PLEKHA2: variants seen among roughly 807,000 people sequenced by gnomAD.
PLEKHA2 encodes the protein pleckstrin homology domain containing A2.
Under a neutral mutation model 53.2 loss-of-function variants are expected in PLEKHA2, and 28 were observed. The observed-to-expected ratio is 0.53, with a 90% CI of 0.39 to 0.72. The LOEUF is 0.72. Ranked by LOEUF, PLEKHA2 falls within the 30% of genes least tolerant of loss-of-function variation. The pLI is 0.00. For missense variants in PLEKHA2, 426 were observed against 537.9 expected (o/e 0.79, Z 2.06); for synonymous variants, 193 against 196.4 (o/e 0.98, Z 0.14).
intron 9 of PLEKHA2, among the ~76,000 whole-genome samples, chr8:38,956,894 G>A (rs1462663951): frequency 6.6e-6 from 1 of 152,180 alleles, no homozygotes; most frequent in Non-Finnish European, 1.5e-5. Context: ...GCCCCCCGGG[G>A]CTGTTGTGAA....
intron 4 of PLEKHA2, among the ~76,000 whole-genome samples, chr8:38,944,325 G>A (rs1020894838): frequency 2.6e-5 from 4 of 151,896 alleles, no homozygotes; most frequent in African/African-American, 9.7e-5. Flanking sequence ...GACCAGCCTG[G>A]CCAACATAGT....
intron 2 of PLEKHA2, among the ~76,000 whole-genome samples, chr8:38,930,437 C>G (rs1834370640): frequency 6.6e-6 from 1 of 152,182 alleles, no homozygotes; most frequent in African/African-American, 2.4e-5. Flanking sequence ...TTCCTGACCT[C>G]AGGTGATCCC....
intron 10 of PLEKHA2, among the ~76,000 whole-genome samples, chr8:38,962,423 G>T (rs921065412): frequency 6.6e-6 from 1 of 152,200 alleles, no homozygotes; most frequent in Admixed American, 6.5e-5. Flanking sequence ...AACCAGGGAA[G>T]TCTGACTCTG....
rs1835074710 is a variant in PLEKHA2 at position 38,963,401 on chromosome 8, A to AC, written c.838-5191_838-5190insC. Among the ~76,000 whole-genome samples the AC allele has an allele frequency of 2.0e-5, 3 of 152,290 alleles. No homozygotes were observed. The South Asian group carries it at 6.2e-4, about 32-fold the overall frequency. ...ATGGGTGGGTAGACTTCAGCTATAT[A>AC]TATTTTTTTAAACCTCTGTTTCATG... On this transcript the variant is annotated intron_variant, in intron 10 of 11. Coordinates refer to ENST00000617275, the MANE Select transcript of PLEKHA2 (RefSeq NM_021623.2).
chr8:38,961,170 A>T (rs1256996617), intron 10 of PLEKHA2, among the ~76,000 whole-genome samples: 1 of 152,212 alleles, frequency 6.6e-6, no homozygotes, highest in Non-Finnish European at 1.5e-5. Context: ...TTTTGGGGAT[A>T]AAAATCTACC....
chr8:38,970,306 C>T lies in PLEKHA2; in HGVS notation c.*523C>T. The T allele has an allele frequency of 3.2e-6, 1 of 314,780 alleles. No individual in the cohort carries two copies. The highest frequency in any genetic ancestry group is 5.7e-6 in the Non-Finnish European group (1 of 175,946). 19.5% of individuals were successfully genotyped at this position (314,780 alleles called of 1,614,324 possible). A position where few individuals can be genotyped will look rare whatever the true frequency, so the allele number is the denominator to read the frequency against. ...TGCTTTCTCTTTCTTCTTGCTGTTG[C>T]CCTTTGAATGAAGCCTTGTGTGCTT... On this transcript the variant is annotated 3_prime_UTR_variant, in exon 12 of 12. Coordinates refer to ENST00000617275, the MANE Select transcript of PLEKHA2 (RefSeq NM_021623.2).
At position 38,969,940 on chromosome 8, in the gene PLEKHA2, G is replaced by GGTGT. The variant is rs1835215437; in HGVS notation, c.*157_*158insGTGT. 1.2e-5 allele frequency: 10 copies of GGTGT among 825,662 alleles called. No homozygotes were observed. The highest frequency in any genetic ancestry group is 1.2e-4 in the East Asian group (4 of 34,206). The allele number at this position is 825,662 out of a possible 1,614,324, so 51.1% of individuals were successfully genotyped here. ...GGGAGGGAGGGGCCCATCCAGCTGG[G>GGTGT]CTGTGTGTGTGTGTGTGTGTGTGTG... is the stretch of plus-strand genomic sequence containing the variant. On this transcript the variant is annotated 3_prime_UTR_variant, in exon 12 of 12. Transcript: ENST00000617275.
chr8:38,912,468 A>G (rs953293726), intron 1 of PLEKHA2, among the ~76,000 whole-genome samples: 23 of 152,186 alleles, frequency 1.5e-4, no homozygotes, highest in Admixed American at 1.2e-3. Flanking sequence ...ACCAATTACT[A>G]CTGGCACTCC....
intron 2 of PLEKHA2, among the ~76,000 whole-genome samples, chr8:38,918,499 T>TGC (rs1834109017): frequency 7.4e-5 from 1 of 13,544 alleles, no homozygotes. Context: ...ACACAACCCA[T>TGC]ACACCAGACA....
chr8:38,968,083 A>G (rs1410098258), intron 10 of PLEKHA2, among the ~76,000 whole-genome samples: 1 of 152,208 alleles, frequency 6.6e-6, no homozygotes, highest in East Asian at 1.9e-4. Context: ...TGAAGGCAAT[A>G]CATATCTTAG....
chr8:38,968,691 G>A (rs191686360), intron 11 of PLEKHA2, 22 bp downstream of exon 11: 1 of 1,612,518 alleles, frequency 6.2e-7, no homozygotes, highest in Non-Finnish European at 8.5e-7. Flanking sequence ...CCTTTCTGTT[G>A]CACAGTGTCA....
chr8:38,943,104 G>A (rs1024218219), intron 3 of PLEKHA2, among the ~76,000 whole-genome samples: 1 of 152,130 alleles, frequency 6.6e-6, no homozygotes, highest in African/African-American at 2.4e-5. Context: ...GAGGGTTGGC[G>A]GTTGAAAGAG....
chr8:38,959,723 G>C (rs1299472436), intron 10 of PLEKHA2, among the ~76,000 whole-genome samples: 1 of 152,222 alleles, frequency 6.6e-6, no homozygotes, highest in Non-Finnish European at 1.5e-5. Flanking sequence ...TGGAAAATTT[G>C]AGAGATATTA....
At chr8:38,928,397 C>G in intron 2 of PLEKHA2, among the ~76,000 whole-genome samples, 1 of 151,888 alleles carries the variant, frequency 6.6e-6, no homozygotes, top group East Asian at 1.9e-4. Context: ...TAAAGGTGTG[C>G]GCCACCACAC....
intron 1 of PLEKHA2, among the ~76,000 whole-genome samples, chr8:38,908,720 G>A (rs752101042): frequency 1.2e-4 from 18 of 152,158 alleles, no homozygotes; most frequent in Non-Finnish European, 2.2e-4. Context: ...ATCATATTAT[G>A]TACCATTTCA....
intron 5 of PLEKHA2, among the ~76,000 whole-genome samples, chr8:38,948,147 T>G (rs1185948743): frequency 6.6e-6 from 1 of 151,860 alleles, no homozygotes; most frequent in Non-Finnish European, 1.5e-5. Flanking sequence ...GGAATTCATC[T>G]GGGTCATTTA....
chr8:38,940,656 G>GT (rs934583340), intron 3 of PLEKHA2, among the ~76,000 whole-genome samples: 4 of 107,218 alleles, frequency 3.7e-5, no homozygotes, highest in East Asian at 6.7e-4. Flanking sequence ...GGGGCGGGGG[G>GT]GGGGGGTCAG....
chr8:38,950,726 G>A, intron 5 of PLEKHA2, 124 bp from the exon 6 acceptor site: 1 of 1,194,954 alleles, frequency 8.4e-7, no homozygotes. Flanking sequence ...GCTTGGGGAG[G>A]ACACGCAAGT....
At position 38,963,482 on chromosome 8, in the gene PLEKHA2, C is replaced by T. The variant is rs190233443; in HGVS notation, c.838-5110C>T. On this transcript the variant is annotated intron_variant, in intron 10 of 11. Transcript: ENST00000617275. ...TGATGAAAGCTAAGCACAGGCTTTC[C>T]GTAAAAATAGATATGTACATAACCA... 2.9e-4 allele frequency among the ~76,000 whole-genome samples: 44 copies of T among 152,096 alleles called. 1 individual carries two copies. The highest frequency in any genetic ancestry group is 5.9e-5 in the Non-Finnish European group (4 of 67,994).
Sources: allele counts gnomAD v4.1 joint callset (sites outside exome capture counted in the v4.1 genomes callset), GRCh38; gene constraint gnomAD v4.1.1; transcripts MANE v1.5; gene names NCBI Gene and HGNC (gene_info 2026-07-23, HGNC 2026-07-21).